The following EGFLAM variants were observed in gnomAD, a reference collection of about 807,000 sequenced individuals.
The protein encoded by EGFLAM is EGF like, fibronectin type III and laminin G domains, also known as pikachurin.
EGFLAM carries 79 observed loss-of-function variants against 113.1 expected under a neutral mutation model. The ratio of observed to expected loss-of-function variants is 0.70; its 90% CI spans 0.58 to 0.84. The LOEUF (loss-of-function observed/expected upper bound fraction) is 0.84, where lower values mean the gene tolerates loss of function less well. Among genes scored for constraint, EGFLAM ranks in the 40% least tolerant of loss-of-function variants. EGFLAM has a pLI of 0.00. For missense variants in EGFLAM, 1,265 were observed against 1,291.6 expected (o/e 0.98, Z 0.32); for synonymous variants, 504 against 487.6 (o/e 1.03, Z -0.44).
chr5:38,315,579 C>A (rs927192154), intron 1 of EGFLAM, among the ~76,000 whole-genome samples: 1 of 152,170 alleles, frequency 6.6e-6, no homozygotes. Context: ...AAATTAGAAG[C>A]TTGAGAGGAA....
At chr5:38,393,433 T>G (rs1740867917) in intron 6 of EGFLAM, among the ~76,000 whole-genome samples, 2 of 152,086 alleles carry the variant, frequency 1.3e-5, no homozygotes, top group African/African-American at 4.8e-5. Context: ...CTGGAGTGGT[T>G]CGTTTTACTC....
chr5:38,405,966 T>C, intron 6 of EGFLAM, 160 bp from the exon 7 acceptor site: 1 of 652,826 alleles, frequency 1.5e-6, no homozygotes, highest in Non-Finnish European at 2.8e-6. Flanking sequence ...TTTTTATATC[T>C]TTTGGTCATT....
chr5:38,278,337 C>G (rs1757934158), intron 1 of EGFLAM, among the ~76,000 whole-genome samples: 1 of 152,104 alleles, frequency 6.6e-6, no homozygotes, highest in Admixed American at 6.5e-5. Context: ...AACTGGACAT[C>G]CACATGCAGA....
intron 18 of EGFLAM, among the ~76,000 whole-genome samples, chr5:38,450,031 CT>C (rs1221717297): frequency 1.3e-5 from 2 of 152,124 alleles, no homozygotes; most frequent in African/African-American, 4.8e-5. Flanking sequence ...GTCCAAAAGA[CT>C]TTTTTTCTCA....
chr5:38,327,641 G>T lies in EGFLAM; in HGVS notation c.98-9879G>T, dbSNP rs1010552401. ...GATTTTTTATTTTGAAATACATTTA[G>T]ATTTATAGAAGGGTTGGGTAGTCAC... is the stretch of plus-strand genomic sequence containing the variant. On this transcript the variant is annotated intron_variant, in intron 1 of 21. Coordinates refer to ENST00000322350, the MANE Select transcript of EGFLAM (RefSeq NM_152403.4). Among the ~76,000 whole-genome samples the T allele has an allele frequency of 3.9e-5, 6 of 152,032 alleles. No individual in the cohort carries two copies. In the East Asian group the frequency reaches 1.2e-3, roughly 29 times the overall value.
At chr5:38,447,405 A>T (rs552321318) in intron 17 of EGFLAM, among the ~76,000 whole-genome samples, 2 of 152,304 alleles carry the variant, frequency 1.3e-5, no homozygotes, top group South Asian at 4.1e-4. Context: ...AAATGAGAAT[A>T]ACCAACCCTT....
intron 20 of EGFLAM, 44 bp downstream of exon 20, chr5:38,458,438 T>C (rs1473014153): frequency 6.3e-7 from 1 of 1,583,016 alleles, no homozygotes; most frequent in Non-Finnish European, 8.6e-7. Context: ...AGCTGAGCAG[T>C]GGTGGGATGT....
At chr5:38,396,063 T>TTTTTTTTTTTTTTTTTTTG (rs1482050151) in intron 6 of EGFLAM, among the ~76,000 whole-genome samples, 3 of 151,964 alleles carry the variant, frequency 2.0e-5, no homozygotes, top group Non-Finnish European at 4.4e-5. Flanking sequence ...ACCCACTCTT[T>TTTTTTTTTTTTTTTTTTTG]AAAAGCCTCC....
At position 38,370,410 on chromosome 5, in the gene EGFLAM, T is replaced by A. The variant is rs756367552; in HGVS notation, c.660T>A (p.Asn220Lys). 6.2e-7 allele frequency: 1 copy of A among 1,614,206 alleles called. No homozygotes were observed. Among genetic ancestry groups the A allele is most frequent in the South Asian group, 1.1e-5 (1 of 91,086 alleles). ...TNYQFAVRAM[N>K]SHGPSPRSWP... ...ACCAGTTTGCCGTGAGGGCAATGAA[T>A]TCCCATGGCCCCAGCCCCCGCAGCT... Residue 220 changes from asparagine to lysine, a missense_variant, in exon 6 of 22, where the codon AAT becomes AAA. Physicochemically the swap from Asn to Lys is moderately conservative, Grantham distance 94. Coordinates refer to ENST00000322350, the MANE Select transcript of EGFLAM (RefSeq NM_152403.4).
Position 38,337,617 on chromosome 5 carries a change from C to T in EGFLAM, c.195C>T (p.Ile65=). ...TGCCAAGGCATCCTGGAAGTCCCAT[C>T]CTTGGGTACACTGTGAGTACACGGG... ...WKMPRHPGSP[I]LGYTVFYSEV... The change falls in exon 2 of 22, where the codon ATC becomes ATT. Residue 65 remains isoleucine (I), a synonymous_variant. Coordinates refer to ENST00000322350, the MANE Select transcript of EGFLAM (RefSeq NM_152403.4). The T allele has an allele frequency of 6.2e-7, 1 of 1,600,342 alleles. No homozygotes were observed. The highest frequency in any genetic ancestry group is 1.3e-5 in the African/African-American group (1 of 74,800).
rs73750662 is a variant in EGFLAM at position 38,273,908 on chromosome 5, A to G, written c.97+15057A>G. ...GATGGAGCGCTATGAACTTCCTGACAAAAAATTCAAAGTAGCTGTTTTAAG... is the reference window on the plus strand; with the variant it reads ...GATGGAGCGCTATGAACTTCCTGACGAAAAATTCAAAGTAGCTGTTTTAAG... On this transcript the variant is annotated intron_variant, in intron 1 of 21. Coordinates refer to ENST00000322350, the MANE Select transcript of EGFLAM (RefSeq NM_152403.4). 6.7e-3 allele frequency among the ~76,000 whole-genome samples: 1,022 copies of G among 152,330 alleles called. 12 individuals carry two copies. The highest frequency in any genetic ancestry group is 0.024 in the African/African-American group (987 of 41,574).
chr5:38,406,106 T>C lies in EGFLAM; in HGVS notation c.713-20T>C, dbSNP rs1339470062. The C allele has an allele frequency of 6.3e-7, 1 of 1,599,320 alleles. No individual in the cohort carries two copies. Among genetic ancestry groups the C allele is most frequent in the South Asian group, 1.1e-5 (1 of 90,810 alleles). On this transcript the variant is annotated intron_variant, in intron 6 of 21. Coordinates refer to ENST00000322350, the MANE Select transcript of EGFLAM (RefSeq NM_152403.4). The stretch of plus-strand genomic sequence containing the variant: ...AGAAGGCCTGTGCTGATGAAGGGTG[T>C]GCTGCTTTTCTTTGTGAAGGCCCTG...
intron 1 of EGFLAM, among the ~76,000 whole-genome samples, chr5:38,290,066 G>A (rs759797637): frequency 1.1e-4 from 16 of 152,312 alleles, no homozygotes; most frequent in Admixed American, 2.6e-4. Context: ...ATTAAAGAGT[G>A]TCTTAGTTTG....
At chr5:38,263,744 AGT>A (rs1757561679) in intron 1 of EGFLAM, among the ~76,000 whole-genome samples, 1 of 152,142 alleles carries the variant, frequency 6.6e-6, no homozygotes, top group South Asian at 2.1e-4. Context: ...TTATTGCAGA[AGT>A]TTTTTAGGTT....
intron 1 of EGFLAM, among the ~76,000 whole-genome samples, chr5:38,331,841 T>C (rs1471913480): frequency 6.6e-6 from 1 of 152,224 alleles, no homozygotes; most frequent in Non-Finnish European, 1.5e-5. Flanking sequence ...ATAGAACTTC[T>C]TGTTTACTTC....
chr5:38,273,083 A>G (rs560218159), intron 1 of EGFLAM, among the ~76,000 whole-genome samples: 6 of 152,232 alleles, frequency 3.9e-5, no homozygotes, highest in Non-Finnish European at 7.3e-5. Flanking sequence ...TAGCATAACA[A>G]TAAGAAAAGA....
At chr5:38,346,355 A>T (rs1739472104) in intron 3 of EGFLAM, 1 of 152,172 alleles carries the variant, frequency 6.6e-6, no homozygotes, top group Admixed American at 6.5e-5. Context: ...TGTACTGGCC[A>T]ATTAGAACTT....
intron 6 of EGFLAM, among the ~76,000 whole-genome samples, chr5:38,380,675 G>A (rs1740486493): frequency 1.3e-5 from 2 of 152,144 alleles, no homozygotes; most frequent in Admixed American, 1.3e-4. Context: ...TTACATTCAG[G>A]GTGTCCTCCA....
At position 38,435,177 on chromosome 5, in the gene EGFLAM, T is replaced by C. The variant is rs1336649852; in HGVS notation, c.2207T>C (p.Ile736Thr). The stretch of plus-strand genomic sequence containing the variant: ...ATTAAGTGCAACACAGACATTTTCA[T>C]TGGCGGAGTCCCCAATTATGATGAT... ...TQIKCNTDIF[I>T]GGVPNYDDVK... The change falls in exon 16 of 22, where the codon ATT becomes ACT. Residue 736 changes from isoleucine (I) to threonine (T), a missense_variant. Physicochemically the swap from Ile to Thr is moderately conservative, Grantham distance 89. Transcript: ENST00000322350. 3 of 1,614,070 alleles carry C rather than the reference T, an allele frequency of 1.9e-6. No homozygotes were observed. Among genetic ancestry groups the C allele is most frequent in the East Asian group, 4.5e-5 (2 of 44,888 alleles).
Sources: allele counts gnomAD v4.1 joint callset (sites outside exome capture counted in the v4.1 genomes callset), GRCh38; gene constraint gnomAD v4.1.1; transcripts MANE v1.5; gene names NCBI Gene and HGNC (gene_info 2026-07-23, HGNC 2026-07-21).